Variants in KCNT1 observed in about 807,000 individuals in gnomAD.
The protein encoded by KCNT1 is potassium channel subfamily T member 1.
In KCNT1, 78 loss-of-function variants were observed where a neutral mutation model predicts 147.8. That is an observed-to-expected ratio of 0.53 (90% CI 0.44 to 0.64). The LOEUF is 0.64. Among genes scored for constraint, KCNT1 ranks in the 30% least tolerant of loss-of-function variants. The probability of loss-of-function intolerance (pLI) is 0.00; values close to 1 mark genes in which losing one functional copy is unlikely to be tolerated. For synonymous variants in KCNT1, 867 were observed against 748.8 expected, an observed-to-expected ratio of 1.16 and a Z score of -2.58; for missense variants, 1,419 against 1,750.3, an observed-to-expected ratio of 0.81 and a Z score of 3.38.
chr9:135,720,665 C>G (rs150629749), intron 2 of KCNT1, among the ~76,000 whole-genome samples: 1 of 152,178 alleles, frequency 6.6e-6, no homozygotes, highest in Non-Finnish European at 1.5e-5. Flanking sequence ...GCCTGTACCC[C>G]CAACCCCACC....
chr9:135,735,601 C>T (rs922138620), intron 2 of KCNT1, among the ~76,000 whole-genome samples: 12 of 152,164 alleles, frequency 7.9e-5, no homozygotes, highest in African/African-American at 2.4e-4. Context: ...GAGTTTGGGG[C>T]GGGCCGGCCC....
intron 2 of KCNT1, among the ~76,000 whole-genome samples, chr9:135,731,911 T>C (rs1836447960): frequency 6.7e-6 from 1 of 148,702 alleles, no homozygotes; most frequent in Non-Finnish European, 1.5e-5. Context: ...CGTGCACAGT[T>C]CTTTCTTTGC....
chr9:135,769,074 T>A, intron 15 of KCNT1, 137 bp downstream of exon 15: 1 of 627,312 alleles, frequency 1.6e-6, no homozygotes, highest in East Asian at 3.1e-5. Flanking sequence ...TGTGCACACG[T>A]GGGTGACGGT....
At chr9:135,774,294 G>T (rs553162868) in intron 19 of KCNT1, among the ~76,000 whole-genome samples, 1,851 of 147,606 alleles carry the variant, frequency 0.013, 34 homozygotes, top group African/African-American at 0.042. Context: ...TGTTGTGTGT[G>T]GTGTGTGTGT....
Position 135,752,513 on chromosome 9 carries a change from A to T in KCNT1, c.435-1424A>T. The T allele has an allele frequency of 2.2e-6, 1 of 451,322 alleles. No homozygotes were observed. The highest frequency in any genetic ancestry group is 4.4e-6 in the Non-Finnish European group (1 of 224,740). The allele number at this position is 451,322 out of a possible 1,614,324, so 28.0% of individuals were successfully genotyped here. A position where few individuals can be genotyped will look rare whatever the true frequency, so the allele number is the denominator to read the frequency against. ...CTGGGGCTTCTGGTTTCACATCCCC[A>T]CAGGGCCCAAGTCTGTTGTGTTCAC... On this transcript the variant is annotated intron_variant, in intron 4 of 30. Transcript: ENST00000371757. This position sits in a 1 kb window ranked among gnomAD's most constrained non-coding sequence, Gnocchi z 5.1.
chr9:135,769,497 A>C (rs1448381009), intron 15 of KCNT1, among the ~76,000 whole-genome samples: 1 of 152,138 alleles, frequency 6.6e-6, no homozygotes, highest in Non-Finnish European at 1.5e-5. Context: ...TCTTCAGATG[A>C]AGTCTTATGC....
chr9:135,736,654 C>A, intron 2 of KCNT1: 1 of 241,128 alleles, frequency 4.1e-6, no homozygotes, highest in Non-Finnish European at 7.9e-6. Context: ...CAAGCTGCCG[C>A]GCTCGCCGTC....
chr9:135,773,039 C>T, intron 19 of KCNT1, 90 bp downstream of exon 19: 1 of 918,454 alleles, frequency 1.1e-6, no homozygotes, highest in Non-Finnish European at 1.5e-6. Context: ...TGGTGGTCCC[C>T]CATGCTCTGA....
At chr9:135,725,120 G>A (rs898785537) in intron 2 of KCNT1, among the ~76,000 whole-genome samples, 4 of 152,178 alleles carry the variant, frequency 2.6e-5, no homozygotes, top group African/African-American at 7.2e-5. Context: ...TGGCCCAACC[G>A]CCTCCCTGCA....
At chr9:135,774,588 T>C (rs1374694283) in intron 19 of KCNT1, among the ~76,000 whole-genome samples, 1 of 151,726 alleles carries the variant, frequency 6.6e-6, no homozygotes, top group Non-Finnish European at 1.5e-5. Context: ...TGTGTGTCCA[T>C]GTGTGGTACG....
rs1280665116 is a variant in KCNT1 at position 135,730,967 on chromosome 9, C to T, written c.254+16247C>T. 1.3e-5 allele frequency among the ~76,000 whole-genome samples: 1 copy of T among 75,026 alleles called. No individual in the cohort carries two copies. The highest frequency in any genetic ancestry group is 3.7e-4 in the East Asian group (1 of 2,708). 49.2% of individuals were successfully genotyped at this position (75,026 alleles called of 152,430 possible). A position where few individuals can be genotyped will look rare whatever the true frequency, so the allele number is the denominator to read the frequency against. On this transcript the variant is annotated intron_variant, in intron 2 of 30. Coordinates refer to ENST00000371757, the MANE Select transcript of KCNT1 (RefSeq NM_020822.3). The surrounding 1 kb of genome is among the most constrained non-coding windows in gnomAD (Gnocchi z 4.7). The stretch of plus-strand genomic sequence containing the variant: ...TGCCACTGCACTCCAGCCTGGGCAA[C>T]AAAGTGAGATCCCGTCTCAAGGTAA...
At position 135,765,674 on chromosome 9, in the gene KCNT1, C is replaced by T. The variant is rs1832216514; in HGVS notation, c.1251C>T (p.Arg417=). Residue 417 remains arginine (R), a synonymous_variant, in exon 13 of 31, where the codon CGC becomes CGT. Transcript: ENST00000371757. The part of the protein sequence containing the change: ...LCPTEMDVQV[R]RVLQIPLWSQ... ...CCACGGAGATGGATGTCCAGGTGCGCAGAGTCCTGCAGATCCCTCTGTGGT... is the reference window on the plus strand; with the variant it reads ...CCACGGAGATGGATGTCCAGGTGCGTAGAGTCCTGCAGATCCCTCTGTGGT... The T allele has an allele frequency of 6.2e-7, 1 of 1,610,776 alleles. No homozygotes were observed. The highest frequency in any genetic ancestry group is 8.5e-7 in the Non-Finnish European group (1 of 1,179,034).
Position 135,756,885 on chromosome 9 carries a change from A to G in KCNT1, c.553A>G (p.Ile185Val), listed in dbSNP as rs2131434707. The change falls in exon 7 of 31, where the codon ATA becomes GTA. Residue 185 changes from isoleucine (I) to valine (V), a missense_variant. By Grantham distance (29) the Ile-to-Val change is conservative. Coordinates refer to ENST00000371757, the MANE Select transcript of KCNT1 (RefSeq NM_020822.3). ...TCCTGACTCCCAGGTCATCGTGGCC[A>G]TAATAAGCTTCCTGGAGACGATGCT... Reference protein sequence around the residue: ...TLWAIQVIVAIISFLETMLLI... With the variant: ...TLWAIQVIVAVISFLETMLLI... The G allele has an allele frequency of 1.9e-6, 3 of 1,613,172 alleles. No homozygotes were observed. The highest frequency in any genetic ancestry group is 2.5e-6 in the Non-Finnish European group (3 of 1,179,872).
intron 11 of KCNT1, 106 bp downstream of exon 11, chr9:135,759,965 C>A: frequency 9.1e-7 from 1 of 1,097,348 alleles, no homozygotes; most frequent in Non-Finnish European, 1.3e-6. Context: ...GGGGCCACTC[C>A]CAGGAGGGGA....
At chr9:135,788,063 CTCTT>C (rs568013228) in intron 29 of KCNT1, 97 of 1,500,010 alleles carry the variant, frequency 6.5e-5, no homozygotes, top group Non-Finnish European at 7.7e-5. Flanking sequence ...CTCTCTCTCT[CTCTT>C]TCTGTCTGTG....
chr9:135,705,409 AGTGCTGTGT>A (rs1835211704), intron 1 of KCNT1, among the ~76,000 whole-genome samples: 1 of 152,206 alleles, frequency 6.6e-6, no homozygotes, highest in African/African-American at 2.4e-5. Flanking sequence ...CCCAAAAACA[AGTGCTGTGT>A]GTGCATGTGA....
At chr9:135,751,279 C>T (rs1831149873) in intron 4 of KCNT1, among the ~76,000 whole-genome samples, 1 of 151,952 alleles carries the variant, frequency 6.6e-6, no homozygotes, top group Non-Finnish European at 1.5e-5. Context: ...CAGCTGTGCC[C>T]TTAGCTACTA....
At chr9:135,717,150 G>A (rs1387347134) in intron 2 of KCNT1, among the ~76,000 whole-genome samples, 1 of 149,034 alleles carries the variant, frequency 6.7e-6, no homozygotes, top group Non-Finnish European at 1.5e-5. Context: ...TATAGGACAG[G>A]AGGGAGGGGA....
intron 6 of KCNT1, among the ~76,000 whole-genome samples, 184 bp from the exon 7 acceptor site, chr9:135,756,689 G>A (rs531705874): frequency 1.4e-4 from 21 of 152,182 alleles, no homozygotes; most frequent in African/African-American, 4.1e-4. Context: ...ATCTGCCCTC[G>A]GCCCTGGCGG....
Sources: allele counts gnomAD v4.1 joint callset (sites outside exome capture counted in the v4.1 genomes callset), GRCh38; gene constraint gnomAD v4.1.1; non-coding constraint Gnocchi (gnomAD v3.1); transcripts MANE v1.5; gene names NCBI Gene and HGNC (gene_info 2026-07-23, HGNC 2026-07-21).